Variants in RFTN1 observed in about 807,000 individuals in gnomAD.
RFTN1 encodes the protein raftlin.
RFTN1 carries 26 observed loss-of-function variants against 46.5 expected under a neutral mutation model. The observed-to-expected ratio is 0.56, with a 90% CI of 0.41 to 0.78. The LOEUF (loss-of-function observed/expected upper bound fraction) is 0.78. Ranked by LOEUF, RFTN1 falls within the 30% of genes least tolerant of loss-of-function variation. The pLI, the probability that RFTN1 is intolerant of heterozygous loss-of-function variation, is 0.00. For synonymous variants in RFTN1, 261 were observed against 284.2 expected (o/e 0.92, Z 0.82); for missense variants, 693 against 718.7 (o/e 0.96, Z 0.41).
chr3:16,369,813 G>C (rs2073417774), intron 6 of RFTN1, among the ~76,000 whole-genome samples: 1 of 152,190 alleles, frequency 6.6e-6, no homozygotes, highest in Non-Finnish European at 1.5e-5. Flanking sequence ...CAGAGACTGA[G>C]GCCACCTTCG....
chr3:16,391,145 C>G (rs555678594), intron 4 of RFTN1, among the ~76,000 whole-genome samples: 12 of 152,340 alleles, frequency 7.9e-5, no homozygotes, highest in Admixed American at 3.9e-4. Context: ...TCCCTAACAT[C>G]TACACTACGA....
chr3:16,510,024 T>C (rs930970973), intron 1 of RFTN1, among the ~76,000 whole-genome samples: 32 of 152,164 alleles, frequency 2.1e-4, no homozygotes, highest in African/African-American at 7.7e-4. Flanking sequence ...AGGCAAGCTT[T>C]GGCTGTTGGC....
chr3:16,395,841 C>T (rs1258484277), intron 4 of RFTN1, among the ~76,000 whole-genome samples: 1 of 152,196 alleles, frequency 6.6e-6, no homozygotes, highest in Non-Finnish European at 1.5e-5. Context: ...ATTTTCAAGA[C>T]TTTGGCCTCC....
At chr3:16,455,972 CG>C (rs2075898241) in intron 2 of RFTN1, among the ~76,000 whole-genome samples, 2 of 150,570 alleles carry the variant, frequency 1.3e-5, no homozygotes, top group African/African-American at 2.5e-5. Flanking sequence ...TCCCTCCCAC[CG>C]CCCCCACCCC....
At chr3:16,494,897 A>C (rs954454218) in intron 1 of RFTN1, among the ~76,000 whole-genome samples, 1 of 152,204 alleles carries the variant, frequency 6.6e-6, no homozygotes, top group African/African-American at 2.4e-5. Context: ...AAACCCAGTG[A>C]CCGCTTCCTT....
Position 16,483,969 on chromosome 3 carries a change from T to C in RFTN1, c.145+9756A>G, listed in dbSNP as rs147136075. On this transcript the variant is annotated intron_variant, in intron 2 of 9. Coordinates refer to ENST00000334133, the MANE Select transcript of RFTN1 (RefSeq NM_015150.2). This position sits in a 1 kb window ranked among gnomAD's most constrained non-coding sequence, Gnocchi z 4.8. ...GGCTATTCTGATTCACTCTCAAGGT[T>C]GGGAACCACTCCTTTAAGCTAATGA... Among the ~76,000 whole-genome samples, 555 of 152,318 alleles carry C rather than the reference T, an allele frequency of 3.6e-3. 2 individuals carry two copies. The highest frequency in any genetic ancestry group is 6.8e-3 in the Middle Eastern group (2 of 294).
chr3:16,323,268 G>T, intron 9 of RFTN1, 108 bp downstream of exon 9: 2 of 780,716 alleles, frequency 2.6e-6, no homozygotes, highest in Admixed American at 2.5e-5. Context: ...CTTGGGCTCT[G>T]CGAGCCCTTG....
chr3:16,362,625 A>T (rs951519197), intron 6 of RFTN1, among the ~76,000 whole-genome samples: 39 of 152,212 alleles, frequency 2.6e-4, no homozygotes, highest in African/African-American at 8.9e-4. Flanking sequence ...GATTGTATCA[A>T]CACAGCACAC....
Position 16,351,640 on chromosome 3 carries a change from TG to T in RFTN1, c.1146+6291del, listed in dbSNP as rs1486430824. On this transcript the variant is annotated intron_variant, in intron 7 of 9. Coordinates refer to ENST00000334133, the MANE Select transcript of RFTN1 (RefSeq NM_015150.2). This position sits in a 1 kb window ranked among gnomAD's most constrained non-coding sequence, Gnocchi z 5.4. ...TAGCAGCTGCTTTCTAGGATGCTCA[TG>T]CCCTTCTGACCTCACCAACTGAGCA... Among the ~76,000 whole-genome samples the T allele has an allele frequency of 5.3e-5, 8 of 152,212 alleles. No homozygotes were observed. Among genetic ancestry groups the T allele is most frequent in the African/African-American group, 1.9e-4 (8 of 41,464 alleles).
At chr3:16,497,884 G>A (rs1340388496) in intron 1 of RFTN1, among the ~76,000 whole-genome samples, 1 of 152,184 alleles carries the variant, frequency 6.6e-6, no homozygotes, top group Non-Finnish European at 1.5e-5. Context: ...ATAAAGGACA[G>A]GTTCCCTGAT....
intron 1 of RFTN1, among the ~76,000 whole-genome samples, chr3:16,511,317 T>C (rs1348607920): frequency 6.6e-6 from 1 of 152,194 alleles, no homozygotes; most frequent in African/African-American, 2.4e-5. Flanking sequence ...CATATTGAAG[T>C]CAAAATAATA....
rs2124943719 is a variant in RFTN1, at chr3:16,468,734, A to T, written c.145+24991T>A. On this transcript the variant is annotated intron_variant, in intron 2 of 9. Transcript: ENST00000334133. The surrounding 1 kb of genome is among the most constrained non-coding windows in gnomAD (Gnocchi z 4.4). Reference sequence around the variant, plus strand: ...AATTGCAACTAGCTGTAGCCAATTCAAGCTGAGCCAATTATCACCAATCAT... The same window carrying T: ...AATTGCAACTAGCTGTAGCCAATTCTAGCTGAGCCAATTATCACCAATCAT... Among the ~76,000 whole-genome samples the T allele has an allele frequency of 6.6e-6, 1 of 152,334 alleles. No individual in the cohort carries two copies. The highest frequency in any genetic ancestry group is 3.4e-3 in the Middle Eastern group (1 of 294).
chr3:16,394,711 A>G (rs532013031), intron 4 of RFTN1, among the ~76,000 whole-genome samples: 2 of 146,338 alleles, frequency 1.4e-5, no homozygotes, highest in East Asian at 4.0e-4. Flanking sequence ...TATTGATGTT[A>G]TTTTCAATAA....
intron 4 of RFTN1, among the ~76,000 whole-genome samples, chr3:16,408,068 G>A (rs1478916399): frequency 2.0e-5 from 3 of 152,142 alleles, no homozygotes; most frequent in Admixed American, 6.5e-5. Context: ...GCTTCCCGCT[G>A]CCTTTACAGC....
intron 2 of RFTN1, among the ~76,000 whole-genome samples, chr3:16,454,492 G>T (rs1404838364): frequency 6.6e-6 from 1 of 152,198 alleles, no homozygotes; most frequent in Non-Finnish European, 1.5e-5. Context: ...GAGGACGATT[G>T]TGTGAGAGGC....
In RFTN1 at chr3:16,421,704, A is replaced by G. The variant is rs1250077205; in HGVS notation, c.332+12147T>C. Among the ~76,000 whole-genome samples the G allele has an allele frequency of 6.6e-6, 1 of 152,182 alleles. No individual in the cohort carries two copies. Among genetic ancestry groups the G allele is most frequent in the Admixed American group, 6.5e-5 (1 of 15,272 alleles). ...TCCCACAAAGCTCTTATGGGCAGAGACGGGTCAGTGTAGCCATTTCCACAT... is the reference window on the plus strand; with the variant it reads ...TCCCACAAAGCTCTTATGGGCAGAGGCGGGTCAGTGTAGCCATTTCCACAT... On this transcript the variant is annotated intron_variant, in intron 3 of 9. Coordinates refer to ENST00000334133, the MANE Select transcript of RFTN1 (RefSeq NM_015150.2). The surrounding 1 kb of genome is among the most constrained non-coding windows in gnomAD (Gnocchi z 4.6).
In RFTN1 at chr3:16,510,481, G is replaced by A. The variant is rs184734081; in HGVS notation, c.-9+2961C>T. ...AAATATTCATCTGATCGTCTGCAAT[G>A]ATTTAAGTTTAAACCCATTTTCAGG... On this transcript the variant is annotated intron_variant, in intron 1 of 9. Transcript: ENST00000334133. 5.3e-5 allele frequency among the ~76,000 whole-genome samples: 8 copies of A among 152,340 alleles called. No individual in the cohort carries two copies. The East Asian group carries it at 1.5e-3, about 29-fold the overall frequency.
rs140077784 is a variant in RFTN1, at chr3:16,454,372, G to A, written c.146-20335C>T. Among the ~76,000 whole-genome samples the A allele has an allele frequency of 3.8e-3, 572 of 152,258 alleles. 1 individual carries two copies. The highest frequency in any genetic ancestry group is 6.2e-3 in the Non-Finnish European group (422 of 68,010). On this transcript the variant is annotated intron_variant, in intron 2 of 9. Transcript: ENST00000334133. The stretch of plus-strand genomic sequence containing the variant: ...CTGCATCAGGATCATCTAGGGGTGG[G>A]AAGAGTGTGTTTACATTAGGAATGC...
intron 4 of RFTN1, among the ~76,000 whole-genome samples, chr3:16,399,713 C>A (rs897762120): frequency 2.0e-5 from 3 of 152,180 alleles, no homozygotes; most frequent in Non-Finnish European, 4.4e-5. Context: ...GCGTCTCCAG[C>A]CCAGATCTCT....
Sources: allele counts gnomAD v4.1 joint callset (sites outside exome capture counted in the v4.1 genomes callset), GRCh38; gene constraint gnomAD v4.1.1; non-coding constraint Gnocchi (gnomAD v3.1); transcripts MANE v1.5; gene names NCBI Gene and HGNC (gene_info 2026-07-23, HGNC 2026-07-21).